CLNK: variants seen among roughly 807,000 people sequenced by gnomAD.
CLNK encodes the protein cytokine-dependent hematopoietic cell linker.
In CLNK, 74 loss-of-function variants were observed where a neutral mutation model predicts 68.6. The observed-to-expected ratio is 1.08, with a 90% confidence interval of 0.89 to 1.31. The LOEUF is 1.31. Among genes scored for constraint, CLNK ranks in the 50% most tolerant of loss-of-function variants. The pLI is 0.00. For missense variants in CLNK, 553 were observed against 515.3 expected, an observed-to-expected ratio of 1.07 and a Z score of -0.71; for synonymous variants, 198 against 172.2, an observed-to-expected ratio of 1.15 and a Z score of -1.17.
At chr4:10,520,743 A>T (rs781518945) in intron 15 of CLNK, 48 bp downstream of exon 15, 1 of 1,406,756 alleles carries the variant, frequency 7.1e-7, no homozygotes, top group Admixed American at 1.9e-5. Flanking sequence ...ACAATATCAC[A>T]GTATCGTGAC....
At chr4:10,567,397 G>C (rs988931722) in intron 5 of CLNK, among the ~76,000 whole-genome samples, 2 of 152,188 alleles carry the variant, frequency 1.3e-5, no homozygotes, top group African/African-American at 4.8e-5. Flanking sequence ...GCATGGCAGT[G>C]AGGCTGAACC....
intron 1 of CLNK, among the ~76,000 whole-genome samples, chr4:10,674,147 G>C (rs1383554486): frequency 1.3e-5 from 2 of 152,096 alleles, no homozygotes; most frequent in African/African-American, 4.8e-5. Context: ...GCTGAAGGAA[G>C]CTCTGAAGGT....
chr4:10,611,354 T>G (rs1722010172), intron 2 of CLNK, among the ~76,000 whole-genome samples: 1 of 151,908 alleles, frequency 6.6e-6, no homozygotes, highest in Non-Finnish European at 1.5e-5. Flanking sequence ...AAAAATTAGC[T>G]GGGCATGGTG....
chr4:10,634,734 G>C (rs1723015059), intron 2 of CLNK, among the ~76,000 whole-genome samples: 1 of 152,110 alleles, frequency 6.6e-6, no homozygotes, highest in African/African-American at 2.4e-5. Context: ...CCCTCCTATG[G>C]AAACCTCCTG....
At chr4:10,590,862 C>A (rs1361049310) in intron 3 of CLNK, among the ~76,000 whole-genome samples, 1 of 152,180 alleles carries the variant, frequency 6.6e-6, no homozygotes, top group Non-Finnish European at 1.5e-5. Flanking sequence ...CATAGCAATT[C>A]TTGGTGGAAA....
At chr4:10,713,813 G>C in the CLNK span, among the ~76,000 whole-genome samples, 1 of 152,118 alleles carries the variant, frequency 6.6e-6, no homozygotes, top group Non-Finnish European at 1.5e-5. Flanking sequence ...GCAGATGCCA[G>C]CACCATGCTT....
chr4:10,700,720 G>C, the CLNK span, among the ~76,000 whole-genome samples: 2 of 152,128 alleles, frequency 1.3e-5, no homozygotes, highest in African/African-American at 4.8e-5. Context: ...TCTTCTGTAA[G>C]CTGCTAACAA....
At chr4:10,724,621 A>G in the CLNK span, among the ~76,000 whole-genome samples, 5 of 152,196 alleles carry the variant, frequency 3.3e-5, no homozygotes, top group African/African-American at 1.2e-4. Context: ...TGAATAAAAG[A>G]ATAAATCAGA....
intron 3 of CLNK, among the ~76,000 whole-genome samples, chr4:10,590,401 C>A (rs1451688110): frequency 1.3e-5 from 2 of 152,168 alleles, no homozygotes; most frequent in Non-Finnish European, 2.9e-5. Flanking sequence ...TTATTCCAGT[C>A]CCATAGAGAG....
intron 7 of CLNK, among the ~76,000 whole-genome samples, chr4:10,562,015 G>T (rs1056420037): frequency 6.6e-6 from 1 of 152,074 alleles, no homozygotes; most frequent in Non-Finnish European, 1.5e-5. Flanking sequence ...GTCCTCTGTG[G>T]ACTGATTGCT....
intron 12 of CLNK, chr4:10,531,582 C>A: frequency 2.8e-6 from 1 of 356,278 alleles, no homozygotes; most frequent in Non-Finnish European, 5.5e-6. Context: ...GCTGGGATTA[C>A]AGGCATGCGC....
chr4:10,585,925 G>A lies in CLNK; in HGVS notation c.84-970C>T, dbSNP rs1167171050. Among the ~76,000 whole-genome samples, 3 of 152,144 alleles carry A rather than the reference G, an allele frequency of 2.0e-5. No homozygotes were observed. In the East Asian group the frequency reaches 5.8e-4, roughly 29 times the overall value. ...TTTGGCATCAGGGACCAGTTTCCTG[G>A]TATTTCCACAGATGGGGGTGGGGGA... On this transcript the variant is annotated intron_variant, in intron 3 of 18. Transcript: ENST00000226951.
chr4:10,612,567 C>A (rs1455244993), intron 2 of CLNK, among the ~76,000 whole-genome samples: 1 of 152,186 alleles, frequency 6.6e-6, no homozygotes, highest in Non-Finnish European at 1.5e-5. Context: ...GCCTATCTGA[C>A]CCAAAGACTG....
chr4:10,558,319 T>G (rs1042559478), intron 8 of CLNK, 88 bp downstream of exon 8: 1 of 1,098,940 alleles, frequency 9.1e-7, no homozygotes, highest in Non-Finnish European at 1.4e-6. Flanking sequence ...AGATCACCCA[T>G]GACCACAAAC....
At chr4:10,592,916 C>T (rs1721230101) in intron 3 of CLNK, among the ~76,000 whole-genome samples, 1 of 151,782 alleles carries the variant, frequency 6.6e-6, no homozygotes, top group African/African-American at 2.4e-5. Context: ...TAGTAGAGAT[C>T]AGGTTTTGCC....
the CLNK span, among the ~76,000 whole-genome samples, chr4:10,702,891 T>C: frequency 0.32 from 48,903 of 151,986 alleles, 8,070 homozygotes; most frequent in African/African-American, 0.35. Flanking sequence ...ATGCTGGTCT[T>C]GGGTAGAAGA....
intron 2 of CLNK, among the ~76,000 whole-genome samples, chr4:10,622,973 C>T (rs1236246046): frequency 6.6e-6 from 1 of 152,144 alleles, no homozygotes; most frequent in Non-Finnish European, 1.5e-5. Flanking sequence ...CCACCATGAC[C>T]TCATCTGAGC....
chr4:10,562,771 C>T (rs1350964722), intron 7 of CLNK, among the ~76,000 whole-genome samples: 1 of 152,062 alleles, frequency 6.6e-6, no homozygotes. Context: ...AATTTTTTTC[C>T]TTGACCTTCC....
intron 1 of CLNK, among the ~76,000 whole-genome samples, chr4:10,680,673 G>A (rs1160501309): frequency 6.6e-6 from 1 of 152,088 alleles, no homozygotes; most frequent in Non-Finnish European, 1.5e-5. Context: ...ACCATGATAT[G>A]CATTTTTATG....
Sources: allele counts gnomAD v4.1 joint callset (sites outside exome capture counted in the v4.1 genomes callset), GRCh38; gene constraint gnomAD v4.1.1; transcripts MANE v1.5; gene names NCBI Gene and HGNC (gene_info 2026-07-23, HGNC 2026-07-21).